The following CEP128 variants were observed in gnomAD, a reference collection of about 807,000 sequenced individuals.
CEP128 encodes centrosomal protein 128kDa.
Under a neutral mutation model 156.7 loss-of-function variants are expected in CEP128, and 132 were observed. The ratio of observed to expected loss-of-function variants is 0.84; its 90% CI spans 0.73 to 0.97. The LOEUF is 0.97. Among genes scored for constraint, CEP128 ranks in the 50% least tolerant of loss-of-function variants. The probability of loss-of-function intolerance (pLI) is 0.00; values close to 1 mark genes in which losing one functional copy is unlikely to be tolerated. For missense variants in CEP128, 1,252 were observed against 1,281.9 expected (o/e 0.98, Z 0.36); for synonymous variants, 469 against 448.9 (o/e 1.04, Z -0.57).
intron 13 of CEP128, among the ~76,000 whole-genome samples, chr14:80,798,746 C>CA (rs985833751): frequency 6.6e-6 from 1 of 152,150 alleles, no homozygotes; most frequent in African/African-American, 2.4e-5. Flanking sequence ...GTTTAAGAGA[C>CA]ATAAAGTAGA....
chr14:80,906,150 A>G (rs1405996290), intron 4 of CEP128, 69 bp from the exon 5 acceptor site: 1 of 1,180,932 alleles, frequency 8.5e-7, no homozygotes, highest in Non-Finnish European at 1.1e-6. Context: ...AATAGACCAC[A>G]GATTTTCAAA....
intron 2 of CEP128, chr14:80,955,250 G>C (rs1432679645): frequency 9.1e-6 from 3 of 329,740 alleles, no homozygotes; most frequent in Admixed American, 4.5e-5. Flanking sequence ...TGTCTAGAAG[G>C]CTACACGCTA....
intron 21 of CEP128, among the ~76,000 whole-genome samples, chr14:80,542,939 T>A (rs2140315389): frequency 6.6e-6 from 1 of 152,282 alleles, no homozygotes; most frequent in Admixed American, 6.5e-5. Flanking sequence ...AAAGGGCTAT[T>A]TTCTTTTTTA....
chr14:80,898,032 G>A (rs1194495694), intron 7 of CEP128, among the ~76,000 whole-genome samples: 2 of 152,068 alleles, frequency 1.3e-5, no homozygotes, highest in African/African-American at 4.8e-5. Context: ...CACCTGCCTC[G>A]GCCTCCCAAA....
At chr14:80,955,674 G>C (rs1045373063) in intron 2 of CEP128, 1 of 1,613,730 alleles carries the variant, frequency 6.2e-7, no homozygotes, top group African/African-American at 1.3e-5. Context: ...CCCGAGTCCC[G>C]TGGAAAATGA....
intron 19 of CEP128, among the ~76,000 whole-genome samples, chr14:80,673,924 A>C (rs1326216000): frequency 6.6e-6 from 1 of 152,076 alleles, no homozygotes; most frequent in Non-Finnish European, 1.5e-5. Context: ...TTGGTCCTTT[A>C]TAGGAAATTG....
At chr14:80,611,601 C>G (rs143663890) in intron 19 of CEP128, among the ~76,000 whole-genome samples, 61 of 152,232 alleles carry the variant, frequency 4.0e-4, no homozygotes, top group African/African-American at 1.5e-3. Flanking sequence ...AAGGGTAAGC[C>G]TCCAGTATAG....
In CEP128 at chr14:80,921,263, T is replaced by A. The variant is rs117707648; in HGVS notation, c.-15-4701A>T. Among the ~76,000 whole-genome samples, 1,260 of 152,234 alleles carry A rather than the reference T, an allele frequency of 8.3e-3. 12 individuals carry two copies. Among genetic ancestry groups the A allele is most frequent in the Non-Finnish European group, 0.01 (685 of 68,016 alleles). The stretch of plus-strand genomic sequence containing the variant: ...GAGAGGTGGGACCTTTAAAAGGTGA[T>A]TGGGTCATGAAGGCTCCTCCCTTAT... On this transcript the variant is annotated intron_variant, in intron 2 of 24. Coordinates refer to ENST00000555265, the MANE Select transcript of CEP128 (RefSeq NM_152446.5).
intron 8 of CEP128, among the ~76,000 whole-genome samples, chr14:80,869,994 C>A (rs1887949146): frequency 6.6e-6 from 1 of 151,796 alleles, no homozygotes; most frequent in South Asian, 2.1e-4. Context: ...AATTGGATAA[C>A]CTAGGAGAAA....
At chr14:80,719,528 T>A (rs1373863270) in intron 19 of CEP128, among the ~76,000 whole-genome samples, 5 of 152,160 alleles carry the variant, frequency 3.3e-5, no homozygotes, top group Non-Finnish European at 7.4e-5. Context: ...AAATTTTTTA[T>A]CAAGGAGGGA....
At chr14:80,498,331 C>T (rs745974028) in intron 24 of CEP128, among the ~76,000 whole-genome samples, 5 of 152,138 alleles carry the variant, frequency 3.3e-5, no homozygotes, top group Non-Finnish European at 4.4e-5. Context: ...TGCTCCCTTA[C>T]GATCCTTTCT....
intron 4 of CEP128, among the ~76,000 whole-genome samples, chr14:80,912,041 AC>A (rs1160569055): frequency 6.6e-6 from 1 of 152,130 alleles, no homozygotes; most frequent in Non-Finnish European, 1.5e-5. Context: ...ACATGGTGAA[AC>A]CCCATCTCTA....
intron 9 of CEP128, among the ~76,000 whole-genome samples, chr14:80,856,720 C>CTT (rs766724436): frequency 0.012 from 750 of 65,208 alleles, 74 homozygotes; most frequent in Non-Finnish European, 0.016. Context: ...TTTTTCTTTT[C>CTT]TTTTTTTTTT....
At chr14:80,532,819 C>G (rs1001761661) in intron 21 of CEP128, among the ~76,000 whole-genome samples, 2 of 152,070 alleles carry the variant, frequency 1.3e-5, no homozygotes, top group African/African-American at 4.8e-5. Flanking sequence ...ATCAGTTTTT[C>G]TATTTCTTCA....
intron 19 of CEP128, among the ~76,000 whole-genome samples, chr14:80,632,184 G>A (rs1893989064): frequency 6.6e-6 from 1 of 151,878 alleles, no homozygotes; most frequent in Non-Finnish European, 1.5e-5. Flanking sequence ...CTATCCTTCA[G>A]TATTTTTCTT....
intron 20 of CEP128, among the ~76,000 whole-genome samples, chr14:80,559,828 G>A (rs1397091307): frequency 6.6e-6 from 1 of 152,164 alleles, no homozygotes; most frequent in Non-Finnish European, 1.5e-5. Context: ...GGCACATGCA[G>A]CCAATCCTGA....
At chr14:80,645,979 T>C (rs1202228303) in intron 19 of CEP128, among the ~76,000 whole-genome samples, 2 of 152,078 alleles carry the variant, frequency 1.3e-5, no homozygotes, top group South Asian at 2.1e-4. Context: ...AAAAGGTACA[T>C]TGTATGATAT....
intron 2 of CEP128, among the ~76,000 whole-genome samples, chr14:80,920,065 CATT>C (rs1181856824): frequency 2.6e-5 from 4 of 152,072 alleles, no homozygotes; most frequent in African/African-American, 7.2e-5. Context: ...TTTTAAATCT[CATT>C]ATAATAAAAA....
In CEP128 at chr14:80,802,477, A is replaced by T. The variant is rs56387407; in HGVS notation, c.1210-9367T>A. Among the ~76,000 whole-genome samples, 788 of 149,972 alleles carry T rather than the reference A, an allele frequency of 5.3e-3. 8 individuals carry two copies. Among genetic ancestry groups the T allele is most frequent in the South Asian group, 0.026 (123 of 4,650 alleles). ...CCGCATGCTCTCACTCGTAAGTGGG[A>T]GTTGAACATTGAGAACACATGGACA... is the stretch of plus-strand genomic sequence containing the variant. On this transcript the variant is annotated intron_variant, in intron 13 of 24. Coordinates refer to ENST00000555265, the MANE Select transcript of CEP128 (RefSeq NM_152446.5).
Sources: allele counts gnomAD v4.1 joint callset (sites outside exome capture counted in the v4.1 genomes callset), GRCh38; gene constraint gnomAD v4.1.1; transcripts MANE v1.5; gene names NCBI Gene and HGNC (gene_info 2026-07-23, HGNC 2026-07-21).